The following MARCHF3 variants were observed in gnomAD, a reference collection of about 807,000 sequenced individuals.
MARCHF3 encodes membrane associated ring-CH-type finger 3, also known as E3 ubiquitin-protein ligase MARCHF3.
A neutral mutation model predicts 24.2 loss-of-function variants in MARCHF3; 13 were observed. That is an observed-to-expected ratio of 0.54 (90% CI 0.35 to 0.85). The LOEUF (loss-of-function observed/expected upper bound fraction) is 0.85, where lower values mean the gene tolerates loss of function less well. Among genes scored for constraint, MARCHF3 ranks in the 40% least tolerant of loss-of-function variants. MARCHF3 has a pLI of 0.01. For synonymous variants in MARCHF3, 144 were observed against 137.3 expected (o/e 1.05, Z -0.34); for missense variants, 276 against 325.0 (o/e 0.85, Z 1.16).
In MARCHF3 at chr5:126,913,243, T is replaced by C. The variant is rs572449747; in HGVS notation, c.393+1687A>G. ...TTACGTGCACATACACTGGGATTTT[T>C]ACTGGGGAAACGCTAGTTAAAAAGA... is the stretch of plus-strand genomic sequence containing the variant. On this transcript the variant is annotated intron_variant, in intron 3 of 4. Transcript: ENST00000308660. Among the ~76,000 whole-genome samples the C allele has an allele frequency of 3.3e-5, 5 of 152,346 alleles. No individual in the cohort carries two copies. In the South Asian group the frequency reaches 1.0e-3, roughly 32 times the overall value.
At chr5:126,965,232 A>G (rs905475322) in intron 1 of MARCHF3, among the ~76,000 whole-genome samples, 4 of 152,178 alleles carry the variant, frequency 2.6e-5, no homozygotes, top group Non-Finnish European at 4.4e-5. Flanking sequence ...TCCCCAGATT[A>G]CAGATGAAGA....
chr5:126,987,774 G>C (rs1324569736), intron 1 of MARCHF3, among the ~76,000 whole-genome samples: 5 of 152,162 alleles, frequency 3.3e-5, no homozygotes, highest in South Asian at 2.1e-4. Context: ...GTGGAGAAGA[G>C]AGAAGTGAAC....
At chr5:126,928,444 T>C (rs560933363) in intron 1 of MARCHF3, among the ~76,000 whole-genome samples, 7 of 152,258 alleles carry the variant, frequency 4.6e-5, no homozygotes, top group African/African-American at 1.7e-4. Context: ...CCAAAAGAAA[T>C]AGGTTTTTTT....
At chr5:126,922,509 G>T (rs188163319) in intron 1 of MARCHF3, among the ~76,000 whole-genome samples, 1 of 125,462 alleles carries the variant, frequency 8.0e-6, no homozygotes, top group East Asian at 2.7e-4. Flanking sequence ...TCTCATTTCT[G>T]TCTTTTATTT....
At chr5:126,902,817 G>C (rs538033559) in intron 3 of MARCHF3, among the ~76,000 whole-genome samples, 1 of 152,092 alleles carries the variant, frequency 6.6e-6, no homozygotes, top group Non-Finnish European at 1.5e-5. Flanking sequence ...ATCAAGGATT[G>C]TTGGGGTGTG....
intron 1 of MARCHF3, among the ~76,000 whole-genome samples, chr5:126,989,307 GTACTACTACTAC>G (rs147682825): frequency 0.018 from 2,719 of 149,278 alleles, 73 homozygotes; most frequent in African/African-American, 0.063. Flanking sequence ...ACTACTACTA[GTACTACTACTAC>G]TACTACTACT....
At chr5:126,991,112 G>A (rs561644065) in intron 1 of MARCHF3, among the ~76,000 whole-genome samples, 6 of 152,148 alleles carry the variant, frequency 3.9e-5, no homozygotes, top group African/African-American at 9.6e-5. Context: ...TGTTTATTGC[G>A]GCACTATTCA....
Position 126,952,608 on chromosome 5 carries a change from G to A in MARCHF3, c.-56-34381C>T, listed in dbSNP as rs569354823. ...TACCATTGTTCCCTCCTTTCCCCAC[G>A]TTTTGTTATTTTTATTTTTATTTTT... On this transcript the variant is annotated intron_variant, in intron 1 of 4. Transcript: ENST00000308660. 2.7e-4 allele frequency among the ~76,000 whole-genome samples: 41 copies of A among 151,892 alleles called. 1 individual carries two copies. The highest frequency in any genetic ancestry group is 2.3e-3 in the South Asian group (11 of 4,804).
chr5:126,972,174 G>A (rs1258455544), intron 1 of MARCHF3, among the ~76,000 whole-genome samples: 2 of 149,148 alleles, frequency 1.3e-5, no homozygotes, highest in African/African-American at 4.9e-5. Context: ...ATAATACAAA[G>A]TTAGGAGTAC....
intron 4 of MARCHF3, among the ~76,000 whole-genome samples, chr5:126,873,923 C>T (rs1366870165): frequency 6.6e-6 from 1 of 152,140 alleles, no homozygotes; most frequent in Non-Finnish European, 1.5e-5. Flanking sequence ...GACACTGCAT[C>T]CCTGCAATGC....
At chr5:126,978,149 T>C (rs1162481002) in intron 1 of MARCHF3, among the ~76,000 whole-genome samples, 1 of 152,180 alleles carries the variant, frequency 6.6e-6, no homozygotes, top group Non-Finnish European at 1.5e-5. Context: ...CGTGGTGAGT[T>C]TTCTTTTCAC....
At chr5:126,980,596 C>T (rs1390148911) in intron 1 of MARCHF3, among the ~76,000 whole-genome samples, 2 of 152,240 alleles carry the variant, frequency 1.3e-5, no homozygotes, top group Middle Eastern at 3.4e-3. Context: ...GTCTCAATCT[C>T]CTGACCTCAT....
chr5:126,947,240 C>G (rs1750056369), intron 1 of MARCHF3, among the ~76,000 whole-genome samples: 1 of 152,184 alleles, frequency 6.6e-6, no homozygotes, highest in African/African-American at 2.4e-5. Context: ...AGGAATTAAT[C>G]TTCACCAATG....
chr5:126,941,204 G>C (rs1322928567), intron 1 of MARCHF3, among the ~76,000 whole-genome samples: 1 of 152,166 alleles, frequency 6.6e-6, no homozygotes, highest in Non-Finnish European at 1.5e-5. Context: ...TTCAAAGAAG[G>C]TATGTTTAGA....
chr5:126,895,989 G>A (rs1284824014), intron 3 of MARCHF3, among the ~76,000 whole-genome samples: 1 of 152,152 alleles, frequency 6.6e-6, no homozygotes, highest in Admixed American at 6.6e-5. Context: ...GACCCTCCAA[G>A]CCAGGTGCGG....
intron 1 of MARCHF3, among the ~76,000 whole-genome samples, chr5:126,921,425 G>C (rs774638568): frequency 6.6e-6 from 1 of 152,098 alleles, no homozygotes; most frequent in Non-Finnish European, 1.5e-5. Context: ...AGGCAGGAGC[G>C]GACCTCACAA....
chr5:126,870,735 CCT>C lies in MARCHF3; in HGVS notation c.658_659del (p.Arg220GlyfsTer14). 6.2e-7 allele frequency: 1 copy of C among 1,614,160 alleles called. No individual in the cohort carries two copies. Among genetic ancestry groups the C allele is most frequent in the Non-Finnish European group, 8.5e-7 (1 of 1,180,038 alleles). On this transcript the variant is annotated frameshift_variant, in exon 5 of 5. Transcript: ENST00000308660. LOFTEE classifies it high-confidence loss of function. ...CAGACTTTGGAATGAGGAGAATCACCCTCTGATTGGTCCGACGCCACTCGTTG... is the reference window on the plus strand; with the variant it reads ...CAGACTTTGGAATGAGGAGAATCACCCTGATTGGTCCGACGCCACTCGTTG... The part of the protein sequence containing the change: ...LYNEWRRTNQ[R>X]VILLIPKSVN...
chr5:126,907,741 T>C (rs1475350090), intron 3 of MARCHF3, among the ~76,000 whole-genome samples: 1 of 148,214 alleles, frequency 6.7e-6, no homozygotes, highest in Non-Finnish European at 1.5e-5. Context: ...GTTTCCTGAA[T>C]ACAGCACACT....
intron 1 of MARCHF3, among the ~76,000 whole-genome samples, chr5:127,027,318 A>T (rs1164116154): frequency 6.6e-6 from 1 of 152,224 alleles, no homozygotes; most frequent in Non-Finnish European, 1.5e-5. Context: ...TCCTGGCCAC[A>T]AGCAAAATAG....
Sources: gnomAD v4.1 joint callset for allele counts (sites outside exome capture counted in the v4.1 genomes callset) on GRCh38, gnomAD v4.1.1 for gene constraint, MANE v1.5 for transcripts, NCBI Gene and HGNC (gene_info 2026-07-23, HGNC 2026-07-21) for gene names.